Variants in PIWIL1 observed in about 807,000 individuals in gnomAD.
PIWIL1 encodes piwi-like protein 1.
PIWIL1 carries 73 observed loss-of-function variants against 114.4 expected under a neutral mutation model. The ratio of observed to expected loss-of-function variants is 0.64; its 90% CI spans 0.53 to 0.78. The LOEUF (loss-of-function observed/expected upper bound fraction) is 0.78, where lower values mean the gene tolerates loss of function less well. PIWIL1 is among the 30% of genes least tolerant of loss of function. The pLI is 0.00. For missense variants in PIWIL1, 723 were observed against 1,063.1 expected (o/e 0.68, Z 4.45); for synonymous variants, 375 against 369.0 (o/e 1.02, Z -0.19).
the PIWIL1 span, chr12:130,398,441 T>C: frequency 6.6e-6 from 1 of 152,642 alleles, no homozygotes; most frequent in African/African-American, 2.4e-5. Context: ...TAGTAAAGCA[T>C]CCCAAAGTAC....
intron 1 of PIWIL1, 51 bp downstream of exon 1, chr12:130,338,197 C>T: frequency 3.5e-6 from 1 of 284,404 alleles, no homozygotes. Flanking sequence ...GATGCGGGGG[C>T]GGCGGCTGGG....
rs1349499717 is a variant in PIWIL1, at chr12:130,342,648, G to A, written c.57G>A (p.Ala19=). 6 of 1,613,306 alleles carry A rather than the reference G, an allele frequency of 3.7e-6. No individual in the cohort carries two copies. The highest frequency in any genetic ancestry group is 2.2e-5 in the East Asian group (1 of 44,872). ...GAAGGGCCCGCGGTCAGGAGACAGCGCAGCTGGTGGGCTCCACTGCCGTGA... is the reference window on the plus strand; with the variant it reads ...GAAGGGCCCGCGGTCAGGAGACAGCACAGCTGGTGGGCTCCACTGCCGTGA... ...ARGRARGQET[A]QLVGSTASQQ... The change falls in exon 2 of 21, where the codon GCG becomes GCA. Residue 19 remains alanine, a synonymous_variant. Transcript: ENST00000245255.
At chr12:130,347,496 A>G (rs1418787759) in intron 6 of PIWIL1, among the ~76,000 whole-genome samples, 2 of 152,156 alleles carry the variant, frequency 1.3e-5, no homozygotes, top group African/African-American at 4.8e-5. Context: ...TTCTGCAAAA[A>G]TTTTTGTTTT....
chr12:130,412,863 G>A, the PIWIL1 span: 1 of 1,336,966 alleles, frequency 7.5e-7, no homozygotes, highest in South Asian at 1.4e-5. Flanking sequence ...CTGACGGTAA[G>A]TGAGTGTAGT....
chr12:130,353,584 T>A (rs892020094), intron 9 of PIWIL1, among the ~76,000 whole-genome samples: 1 of 152,170 alleles, frequency 6.6e-6, no homozygotes, highest in African/African-American at 2.4e-5. Flanking sequence ...GGTTCTAGAA[T>A]TGCCGAACTG....
chr12:130,403,079 AG>A, the PIWIL1 span, among the ~76,000 whole-genome samples: 4 of 152,224 alleles, frequency 2.6e-5, no homozygotes, highest in African/African-American at 9.7e-5. Context: ...GAGAAAGAGG[AG>A]GGTGATATTA....
the PIWIL1 span, among the ~76,000 whole-genome samples, chr12:130,392,916 C>T: frequency 1.2e-4 from 5 of 40,408 alleles, no homozygotes; most frequent in Non-Finnish European, 3.3e-4. Context: ...ACCGTCATCA[C>T]GTGTCTGTCA....
intron 6 of PIWIL1, 51 bp from the exon 7 acceptor site, chr12:130,348,052 T>C (rs55881231): frequency 0.16 from 197,843 of 1,216,396 alleles, 16,976 homozygotes; most frequent in South Asian, 0.23. Flanking sequence ...GTTCTGATTG[T>C]CGTATTAGAG....
At chr12:130,403,368 T>A in the PIWIL1 span, among the ~76,000 whole-genome samples, 1 of 152,134 alleles carries the variant, frequency 6.6e-6, no homozygotes, top group Non-Finnish European at 1.5e-5. Context: ...TATAAAAACT[T>A]AGGGAAGACT....
chr12:130,400,933 G>T, the PIWIL1 span, among the ~76,000 whole-genome samples: 1 of 152,158 alleles, frequency 6.6e-6, no homozygotes, highest in African/African-American at 2.4e-5. Context: ...AGGTACTGGT[G>T]AAGATATGAA....
At chr12:130,386,253 A>G in the PIWIL1 span, among the ~76,000 whole-genome samples, 1 of 152,118 alleles carries the variant, frequency 6.6e-6, no homozygotes, top group African/African-American at 2.4e-5. Context: ...GTTTTACAAG[A>G]GTTTATCATT....
At chr12:130,357,607 G>A in intron 14 of PIWIL1, 54 bp downstream of exon 14, 2 of 1,141,868 alleles carry the variant, frequency 1.8e-6, no homozygotes, top group Non-Finnish European at 2.6e-6. Context: ...TTTTTCAAAG[G>A]GGGCATGTGT....
intron 19 of PIWIL1, among the ~76,000 whole-genome samples, chr12:130,369,300 A>G (rs563538319): frequency 1.3e-5 from 2 of 152,300 alleles, no homozygotes; most frequent in South Asian, 4.1e-4. Context: ...TCTCTCATCA[A>G]TGGGCATTTG....
intron 13 of PIWIL1, 65 bp from the exon 14 acceptor site, chr12:130,357,416 G>T: frequency 8.7e-7 from 1 of 1,149,766 alleles, no homozygotes; most frequent in Non-Finnish European, 1.3e-6. Flanking sequence ...ACACAGGAAG[G>T]TGTTTATGCA....
chr12:130,416,759 A>T, the PIWIL1 span, among the ~76,000 whole-genome samples: 1 of 152,214 alleles, frequency 6.6e-6, no homozygotes, highest in Non-Finnish European at 1.5e-5. Flanking sequence ...AGCAAAAGAA[A>T]CTATCAACAG....
the PIWIL1 span, among the ~76,000 whole-genome samples, chr12:130,385,247 A>T: frequency 6.6e-6 from 1 of 152,208 alleles, no homozygotes; most frequent in East Asian, 1.9e-4. Flanking sequence ...AGCTTTCTTA[A>T]AGCTTGTAAT....
At chr12:130,339,997 A>G (rs969837958) in intron 1 of PIWIL1, among the ~76,000 whole-genome samples, 7 of 152,250 alleles carry the variant, frequency 4.6e-5, no homozygotes, top group Middle Eastern at 3.4e-3. Context: ...ACTGGGTGCA[A>G]AGGCATCAAT....
At chr12:130,356,831 A>G (rs2073376797) in intron 12 of PIWIL1, 87 bp from the exon 13 acceptor site, 1 of 903,514 alleles carries the variant, frequency 1.1e-6, no homozygotes, top group Admixed American at 2.5e-5. Flanking sequence ...GTTTCAAAAT[A>G]TGCCATGGTA....
the PIWIL1 span, chr12:130,422,663 G>T: frequency 1.3e-6 from 1 of 798,406 alleles, no homozygotes. This position sits in a 1 kb window ranked among gnomAD's most constrained non-coding sequence, Gnocchi z 5.2. Flanking sequence ...ATCTGTAAAG[G>T]CAACTAAACT....
Sources: allele counts gnomAD v4.1 joint callset (sites outside exome capture counted in the v4.1 genomes callset), GRCh38; gene constraint gnomAD v4.1.1; non-coding constraint Gnocchi (gnomAD v3.1); transcripts MANE v1.5; gene names NCBI Gene and HGNC (gene_info 2026-07-23, HGNC 2026-07-21).